Variants in IMPG1 observed in about 807,000 individuals in gnomAD.
IMPG1 encodes the protein interphotoreceptor matrix proteoglycan of 150 kDa.
A neutral mutation model predicts 92.0 loss-of-function variants in IMPG1; 85 were observed. The observed-to-expected ratio is 0.92, with a 90% confidence interval of 0.78 to 1.11. IMPG1 has a LOEUF of 1.11. Among genes scored for constraint, IMPG1 ranks in the 50% least tolerant of loss-of-function variants. IMPG1 has a pLI of 0.00. For synonymous variants in IMPG1, 367 were observed against 334.1 expected (o/e 1.10, Z -1.08); for missense variants, 1,022 against 956.0 (o/e 1.07, Z -0.91).
intron 1 of IMPG1, among the ~76,000 whole-genome samples, chr6:76,056,903 T>A (rs964361248): frequency 6.6e-6 from 1 of 152,102 alleles, no homozygotes; most frequent in Non-Finnish European, 1.5e-5. Flanking sequence ...TAAATGCCTA[T>A]CAATGATATA....
intron 12 of IMPG1, among the ~76,000 whole-genome samples, chr6:75,981,175 A>G (rs929119378): frequency 6.6e-6 from 1 of 152,220 alleles, no homozygotes; most frequent in Admixed American, 6.5e-5. Context: ...TCTTTTCATT[A>G]TAGATAGTCT....
At chr6:75,945,358 C>CTTTTTTTTTTTTTTT (rs71678760) in intron 14 of IMPG1, among the ~76,000 whole-genome samples, 5 of 122,796 alleles carry the variant, frequency 4.1e-5, no homozygotes, top group African/African-American at 6.0e-5. Context: ...TTTTTTTTTT[C>CTTTTTTTTTTTTTTT]TTTTTTTTTT....
intron 4 of IMPG1, among the ~76,000 whole-genome samples, chr6:76,027,481 G>A (rs1783568481): frequency 1.3e-5 from 2 of 152,180 alleles, no homozygotes; most frequent in African/African-American, 2.4e-5. Flanking sequence ...TGTAAGGGGT[G>A]TAAGAATAGT....
chr6:76,025,197 T>A lies in IMPG1; in HGVS notation c.559A>T (p.Thr187Ser). Residue 187 changes from threonine to serine, a missense_variant, in exon 5 of 17, where the codon ACA (threonine) becomes TCA (serine). This residue lies in a region of IMPG1 where 681 missense variants were observed against 583.6 expected (regional missense o/e 1.17). Transcript: ENST00000369950. ...GEPGETIVISTDVANVSLGPF... is the reference protein window; with the variant it reads ...GEPGETIVISSDVANVSLGPF... ...AAGAAATTAGATCTAAGCTTACCTG[T>A]TGAAATGACAATGGTTTCACCAGGC... 1.9e-6 allele frequency: 3 copies of A among 1,585,840 alleles called. No homozygotes were observed. The highest frequency in any genetic ancestry group is 2.6e-6 in the Non-Finnish European group (3 of 1,155,686).
intron 4 of IMPG1, among the ~76,000 whole-genome samples, chr6:76,029,397 C>CCAAAGTCTA (rs1449764053): frequency 6.6e-6 from 1 of 152,172 alleles, no homozygotes; most frequent in Non-Finnish European, 1.5e-5. Context: ...AAGTTTAAAA[C>CCAAAGTCTA]CAAAGTCTAT....
At chr6:75,959,340 A>G (rs1782177757) in intron 12 of IMPG1, among the ~76,000 whole-genome samples, 1 of 152,158 alleles carries the variant, frequency 6.6e-6, no homozygotes. Flanking sequence ...CAGGAGACAC[A>G]GGGTTCAGGG....
chr6:75,933,933 AT>A (rs1407057300), intron 14 of IMPG1, among the ~76,000 whole-genome samples: 1 of 152,226 alleles, frequency 6.6e-6, no homozygotes, highest in Admixed American at 6.5e-5. Flanking sequence ...ACGGAAGCCC[AT>A]TTTAGCTAGT....
At position 75,978,566 on chromosome 6, in the gene IMPG1, G is replaced by T. The variant is rs569007166; in HGVS notation, c.1291+24352C>A. 2.6e-4 allele frequency among the ~76,000 whole-genome samples: 39 copies of T among 152,264 alleles called. No individual in the cohort carries two copies. The South Asian group carries it at 7.7e-3, about 30-fold the overall frequency. On this transcript the variant is annotated intron_variant, in intron 12 of 16. Transcript: ENST00000369950. ...ATGGCAGGTTCAGTACTAAAGTTCA[G>T]TTTCCTTAACATACCCCTTTTATTT...
chr6:76,002,362 A>G (rs1408154810), intron 12 of IMPG1, among the ~76,000 whole-genome samples: 3 of 152,194 alleles, frequency 2.0e-5, no homozygotes, highest in Non-Finnish European at 4.4e-5. Flanking sequence ...CTTCTTGGAG[A>G]TTCAAAAGTG....
chr6:76,071,878 G>T (rs775537203), intron 1 of IMPG1, among the ~76,000 whole-genome samples: 61 of 151,900 alleles, frequency 4.0e-4, no homozygotes, highest in Non-Finnish European at 6.8e-4. Context: ...AACATACATT[G>T]CCTAGTTCTT....
intron 1 of IMPG1, among the ~76,000 whole-genome samples, chr6:76,042,883 T>A (rs892362629): frequency 6.6e-6 from 1 of 152,178 alleles, no homozygotes; most frequent in African/African-American, 2.4e-5. Context: ...ATAACTTAGA[T>A]TCATCAAACA....
chr6:75,947,208 A>C, intron 14 of IMPG1, 106 bp downstream of exon 14: 1 of 796,630 alleles, frequency 1.3e-6, no homozygotes, highest in South Asian at 1.7e-5. Context: ...GTATCATTTC[A>C]GTTTGATTTT....
At chr6:75,924,282 A>G (rs1296710896) in intron 15 of IMPG1, among the ~76,000 whole-genome samples, 3 of 148,222 alleles carry the variant, frequency 2.0e-5, no homozygotes, top group Non-Finnish European at 4.4e-5. Flanking sequence ...TCAAAGAGAT[A>G]TCTGCACTCC....
At chr6:75,932,982 T>C (rs971289619) in intron 14 of IMPG1, among the ~76,000 whole-genome samples, 14 of 152,190 alleles carry the variant, frequency 9.2e-5, no homozygotes, top group Non-Finnish European at 1.5e-5. Context: ...ATTACAGGCG[T>C]GAGCCACCGC....
chr6:76,007,516 C>A lies in IMPG1; in HGVS notation c.867-16G>T. On this transcript the variant is annotated splice_polypyrimidine_tract_variant and intron_variant, in intron 8 of 16. Coordinates refer to ENST00000369950, the MANE Select transcript of IMPG1 (RefSeq NM_001563.4). The stretch of plus-strand genomic sequence containing the variant: ...TTTCTTTGGTCTTCATTTCATCATG[C>A]ACAATGGAAACATGAAAAAGAGAAA... 6.3e-7 allele frequency: 1 copy of A among 1,581,792 alleles called. No individual in the cohort carries two copies.
intron 12 of IMPG1, among the ~76,000 whole-genome samples, chr6:75,982,343 C>A (rs1215869717): frequency 6.6e-6 from 1 of 151,916 alleles, no homozygotes; most frequent in East Asian, 1.9e-4. Flanking sequence ...GAGTTCGAGA[C>A]CAGCCTGGCC....
At chr6:76,060,344 G>T (rs1488208030) in intron 1 of IMPG1, among the ~76,000 whole-genome samples, 1 of 152,184 alleles carries the variant, frequency 6.6e-6, no homozygotes, top group Non-Finnish European at 1.5e-5. Flanking sequence ...GGCTGGAAGA[G>T]AGGAGCAATA....
At chr6:75,983,281 T>G (rs1448448918) in intron 12 of IMPG1, among the ~76,000 whole-genome samples, 1 of 152,004 alleles carries the variant, frequency 6.6e-6, no homozygotes, top group African/African-American at 2.4e-5. Context: ...TCTCTTTTAA[T>G]TAAGTGCAGC....
At chr6:76,063,634 G>T (rs1257854736) in intron 1 of IMPG1, among the ~76,000 whole-genome samples, 2 of 152,188 alleles carry the variant, frequency 1.3e-5, no homozygotes, top group Admixed American at 6.5e-5. Flanking sequence ...TGGCAGGCAC[G>T]ATTCTTGGGC....
Sources: gnomAD v4.1 joint callset for allele counts (sites outside exome capture counted in the v4.1 genomes callset) on GRCh38, gnomAD v4.1.1 for gene constraint, gnomAD v4.1.1 regional missense constraint, MANE v1.5 for transcripts, NCBI Gene and HGNC (gene_info 2026-07-23, HGNC 2026-07-21) for gene names.